Variants in AGPAT4 observed in about 807,000 individuals in gnomAD.
AGPAT4 encodes 1-acylglycerol-3-phosphate O-acyltransferase 4.
A neutral mutation model predicts 48.0 loss-of-function variants in AGPAT4; 15 were observed. The observed-to-expected ratio is 0.31, with a 90% CI of 0.21 to 0.48. The LOEUF (loss-of-function observed/expected upper bound fraction) is 0.48, where lower values mean the gene tolerates loss of function less well. Ranked by LOEUF, AGPAT4 falls within the 20% of genes least tolerant of loss-of-function variation. The pLI is 0.99. For missense variants in AGPAT4, 314 were observed against 482.5 expected, an observed-to-expected ratio of 0.65 and a Z score of 3.27; for synonymous variants, 178 against 198.7, an observed-to-expected ratio of 0.90 and a Z score of 0.88.
chr6:161,199,166 A>G (rs548490139), intron 2 of AGPAT4, among the ~76,000 whole-genome samples: 2 of 152,248 alleles, frequency 1.3e-5, no homozygotes, highest in South Asian at 4.1e-4. Context: ...ACATTGCAAC[A>G]CTGTGCATCA....
rs1781795220 is a variant in AGPAT4, at chr6:161,220,124, T to G, written c.178+11912A>C. On this transcript the variant is annotated intron_variant, in intron 2 of 8. Coordinates refer to ENST00000320285, the MANE Select transcript of AGPAT4 (RefSeq NM_020133.3). This position sits in a 1 kb window ranked among gnomAD's most constrained non-coding sequence, Gnocchi z 6.0. ...AATCAGCTTCATGAGACTGATTCAT[T>G]TGGATATTTAATGTGCTTCCAATCA... 6.6e-6 allele frequency among the ~76,000 whole-genome samples: 1 copy of G among 152,222 alleles called. No individual in the cohort carries two copies. The highest frequency in any genetic ancestry group is 6.5e-5 in the Admixed American group (1 of 15,278).
rs1781636135 is a variant in AGPAT4, at chr6:161,215,988, G to A, written c.178+16048C>T. ...CCTCTGCCCCTAGAGCTGGAAAGCT[G>A]TCCAGGCTCACACATACTTGCCTCT... On this transcript the variant is annotated intron_variant, in intron 2 of 8. Coordinates refer to ENST00000320285, the MANE Select transcript of AGPAT4 (RefSeq NM_020133.3). This position sits in a 1 kb window ranked among gnomAD's most constrained non-coding sequence, Gnocchi z 4.5. 6.6e-6 allele frequency among the ~76,000 whole-genome samples: 1 copy of A among 152,190 alleles called. No individual in the cohort carries two copies. The highest frequency in any genetic ancestry group is 6.5e-5 in the Admixed American group (1 of 15,274).
rs1162245954 is a variant in AGPAT4, at chr6:161,134,545, G to C, written c.*1995C>G. ...CTCTTTTACCCTTGACACACCCCAA[G>C]AGGTAGATATCGTCACCCCCATTTT... On this transcript the variant is annotated 3_prime_UTR_variant, in exon 9 of 9. Coordinates refer to ENST00000320285, the MANE Select transcript of AGPAT4 (RefSeq NM_020133.3). 6.6e-6 allele frequency: 1 copy of C among 152,144 alleles called. No individual in the cohort carries two copies. Among genetic ancestry groups the C allele is most frequent in the Admixed American group, 6.5e-5 (1 of 15,280 alleles). 9.4% of individuals were successfully genotyped at this position (152,144 alleles called of 1,614,324 possible).
At chr6:161,256,839 T>C (rs921607845) in intron 1 of AGPAT4, among the ~76,000 whole-genome samples, 14 of 152,272 alleles carry the variant, frequency 9.2e-5, no homozygotes, top group Admixed American at 2.6e-4. Flanking sequence ...GCATTCTGCC[T>C]AGGAGACGAA....
chr6:161,256,156 C>T lies in AGPAT4; in HGVS notation c.-90+17782G>A, dbSNP rs3757029. ...AGCACTTGCAGGAAGTAAAACAGAT[C>T]CCCCTCAACTGAAATGATCTCGGAG... On this transcript the variant is annotated intron_variant, in intron 1 of 8. Coordinates refer to ENST00000320285, the MANE Select transcript of AGPAT4 (RefSeq NM_020133.3). 4.5e-3 allele frequency among the ~76,000 whole-genome samples: 679 copies of T among 152,260 alleles called. 10 individuals are homozygous for T. The highest frequency in any genetic ancestry group is 0.033 in the East Asian group (171 of 5,168).
rs1424678765 is a variant in AGPAT4, at chr6:161,131,759, T to C, written c.*4781A>G. ...TGATCGATACTATGTCAGTTGGTGA[T>C]GAATGCTGTGAATGGTATTGAATGT... On this transcript the variant is annotated 3_prime_UTR_variant, in exon 9 of 9. Transcript: ENST00000320285. The C allele has an allele frequency of 9.2e-5, 14 of 152,246 alleles. No individual in the cohort carries two copies. The highest frequency in any genetic ancestry group is 9.2e-4 in the Admixed American group (14 of 15,288). The allele number at this position is 152,246 out of a possible 1,614,324, so 9.4% of individuals were successfully genotyped here. A position where few individuals can be genotyped will look rare whatever the true frequency, so the allele number is the denominator to read the frequency against.
At position 161,146,709 on chromosome 6, in the gene AGPAT4, T is replaced by A; in HGVS notation, c.768-110A>T. The A allele has an allele frequency of 1.1e-6, 1 of 942,708 alleles. No individual in the cohort carries two copies. Among genetic ancestry groups the A allele is most frequent in the Non-Finnish European group, 1.7e-6 (1 of 597,726 alleles). The allele number at this position is 942,708 out of a possible 1,614,324, so 58.4% of individuals were successfully genotyped here. On this transcript the variant is annotated intron_variant, in intron 6 of 8. Coordinates refer to ENST00000320285, the MANE Select transcript of AGPAT4 (RefSeq NM_020133.3). The surrounding 1 kb of genome is among the most constrained non-coding windows in gnomAD (Gnocchi z 7.1). ...GTTTTTATCTGGGTCACCTAAATAA[T>A]GTGGAACTGAAGAGAGTAATGCAAG...
intron 5 of AGPAT4, among the ~76,000 whole-genome samples, chr6:161,152,298 G>A (rs949020513): frequency 2.0e-5 from 3 of 151,736 alleles, no homozygotes; most frequent in South Asian, 2.1e-4. Flanking sequence ...ACAGAGGGGC[G>A]AGGGGGCCAG....
rs1211227650 is a variant in AGPAT4, at chr6:161,178,689, T to C, written c.179-12272A>G. On this transcript the variant is annotated intron_variant, in intron 2 of 8. Transcript: ENST00000320285. This position sits in a 1 kb window ranked among gnomAD's most constrained non-coding sequence, Gnocchi z 5.1. ...GGTACCTCAGTTGGAAGTGCAGAAA[T>C]CACCCATCTTCCGCATCACTCACAC... Among the ~76,000 whole-genome samples, 3 of 152,178 alleles carry C rather than the reference T, an allele frequency of 2.0e-5. No individual in the cohort carries two copies. Among genetic ancestry groups the C allele is most frequent in the Non-Finnish European group, 2.9e-5 (2 of 68,038 alleles).
rs571989771 is a variant in AGPAT4, at chr6:161,271,413, C to T, written c.-90+2525G>A. 8.5e-5 allele frequency among the ~76,000 whole-genome samples: 13 copies of T among 152,314 alleles called. No homozygotes were observed. In the South Asian group the frequency reaches 1.7e-3, roughly 19 times the overall value. ...CAGCTGGGTGCTCTGCTCTTCTTTT[C>T]GCCACCCGTTTGGTGGATTTTAAGC... On this transcript the variant is annotated intron_variant, in intron 1 of 8. Transcript: ENST00000320285.
intron 2 of AGPAT4, among the ~76,000 whole-genome samples, chr6:161,170,345 C>A (rs1021572498): frequency 6.6e-6 from 1 of 152,148 alleles, no homozygotes; most frequent in Non-Finnish European, 1.5e-5. Flanking sequence ...GACCGAGAGA[C>A]ACTTCCTCTT....
intron 2 of AGPAT4, among the ~76,000 whole-genome samples, chr6:161,183,086 C>T (rs1780647021): frequency 6.6e-6 from 1 of 152,206 alleles, no homozygotes; most frequent in Admixed American, 6.5e-5. Context: ...CATTGCCACT[C>T]CAGTGCCCTG....
Position 161,130,823 on chromosome 6 carries a change from A to G in AGPAT4, c.*5717T>C, listed in dbSNP as rs1778877367. ...AGCGTTGTGACTTAGACACTTTACA[A>G]GTCTGAGCCATCCCGTACTAGTTCA... On this transcript the variant is annotated 3_prime_UTR_variant, in exon 9 of 9. Coordinates refer to ENST00000320285, the MANE Select transcript of AGPAT4 (RefSeq NM_020133.3). The G allele has an allele frequency of 1.9e-6, 1 of 518,766 alleles. No homozygotes were observed. The highest frequency in any genetic ancestry group is 5.4e-5 in the East Asian group (1 of 18,354). 32.1% of individuals were successfully genotyped at this position (518,766 alleles called of 1,614,324 possible). A position where few individuals can be genotyped will look rare whatever the true frequency, so the allele number is the denominator to read the frequency against.
intron 2 of AGPAT4, among the ~76,000 whole-genome samples, chr6:161,194,232 A>C (rs1781000689): frequency 6.6e-6 from 1 of 152,244 alleles, no homozygotes; most frequent in African/African-American, 2.4e-5. Flanking sequence ...TGTTAATCAG[A>C]TATATTAAAA....
intron 5 of AGPAT4, among the ~76,000 whole-genome samples, chr6:161,150,618 T>TCCTGCAG (rs1392672559): frequency 6.6e-6 from 1 of 152,222 alleles, no homozygotes; most frequent in African/African-American, 2.4e-5. Flanking sequence ...GTCCACTATC[T>TCCTGCAG]GCTGCCCTGC....
In AGPAT4 at chr6:161,139,712, A is replaced by G; in HGVS notation, c.844-92T>C. The stretch of plus-strand genomic sequence containing the variant: ...CTGCTTCCAAGGGAATCGCAGAGAT[A>G]CACAGGTGCCACCGGGGCTCGGCAG... On this transcript the variant is annotated intron_variant, in intron 7 of 8. Coordinates refer to ENST00000320285, the MANE Select transcript of AGPAT4 (RefSeq NM_020133.3). This position sits in a 1 kb window ranked among gnomAD's most constrained non-coding sequence, Gnocchi z 9.1. 1.7e-6 allele frequency: 2 copies of G among 1,181,118 alleles called. No homozygotes were observed. Among genetic ancestry groups the G allele is most frequent in the South Asian group, 3.0e-5 (2 of 66,460 alleles). The allele number at this position is 1,181,118 out of a possible 1,614,324, so 73.2% of individuals were successfully genotyped here.
intron 2 of AGPAT4, among the ~76,000 whole-genome samples, chr6:161,182,881 T>G (rs565842435): frequency 1.3e-5 from 2 of 151,894 alleles, no homozygotes; most frequent in Admixed American, 1.3e-4. Flanking sequence ...ACCTCAGGAG[T>G]GAACACAGCT....
rs536715972 is a variant in AGPAT4 at position 161,250,218 on chromosome 6, G to A, written c.-89-17916C>T. The stretch of plus-strand genomic sequence containing the variant: ...TGGCGGAGGGTGGGAGTAGGGAGAG[G>A]ATCAGGAAAAATAACTAAGAGGTAG... On this transcript the variant is annotated intron_variant, in intron 1 of 8. Coordinates refer to ENST00000320285, the MANE Select transcript of AGPAT4 (RefSeq NM_020133.3). Among the ~76,000 whole-genome samples the A allele has an allele frequency of 5.9e-5, 9 of 152,214 alleles. No homozygotes were observed. In the South Asian group the frequency reaches 1.9e-3, roughly 32 times the overall value.
chr6:161,141,491 G>C lies in AGPAT4; in HGVS notation c.844-1871C>G, dbSNP rs1779247501. Among the ~76,000 whole-genome samples, 1 of 152,158 alleles carries C rather than the reference G, an allele frequency of 6.6e-6. No homozygotes were observed. Among genetic ancestry groups the C allele is most frequent in the South Asian group, 2.1e-4 (1 of 4,822 alleles). ...GCCAGGGAAGCAGCGGCATTCGCCT[G>C]CCCACCAGAACGGGGTGATTTTCTT... On this transcript the variant is annotated intron_variant, in intron 7 of 8. Transcript: ENST00000320285. The surrounding 1 kb of genome is among the most constrained non-coding windows in gnomAD (Gnocchi z 6.7).
Sources: gnomAD v4.1 joint callset for allele counts (sites outside exome capture counted in the v4.1 genomes callset) on GRCh38, gnomAD v4.1.1 for gene constraint, Gnocchi (gnomAD v3.1) non-coding constraint, MANE v1.5 for transcripts, NCBI Gene and HGNC (gene_info 2026-07-23, HGNC 2026-07-21) for gene names.